ZNF175: variants seen among roughly 807,000 people sequenced by gnomAD.
ZNF175 encodes the protein zinc finger protein 175, also known as zinc finger protein OTK18.
ZNF175 carries 8 observed loss-of-function variants against 14.0 expected under a neutral mutation model. That is an observed-to-expected ratio of 0.57 (90% CI 0.34 to 1.03). The LOEUF (loss-of-function observed/expected upper bound fraction) is 1.03. Ranked by LOEUF, ZNF175 falls within the 50% of genes least tolerant of loss-of-function variation. The pLI is 0.03. For missense variants in ZNF175, 764 were observed against 849.5 expected (o/e 0.90, Z 1.25); for synonymous variants, 255 against 296.8 (o/e 0.86, Z 1.45).
At position 51,578,080 on chromosome 19, in the gene ZNF175, G is replaced by A. The variant is rs73562634; in HGVS notation, c.73-3311G>A. 7.0e-3 allele frequency among the ~76,000 whole-genome samples: 1,062 copies of A among 151,756 alleles called. 7 individuals carry two copies. The highest frequency in any genetic ancestry group is 0.024 in the African/African-American group (978 of 41,358). On this transcript the variant is annotated intron_variant, in intron 2 of 4. Coordinates refer to ENST00000262259, the MANE Select transcript of ZNF175 (RefSeq NM_007147.4). The stretch of plus-strand genomic sequence containing the variant: ...CTTTCTTCCAAAGTTAACTACTTTC[G>A]TCACTTTTAAGTTAATTACTTCATT...
chr19:51,575,054 TAAAG>T lies in ZNF175; in HGVS notation c.72+1655_72+1658del, dbSNP rs1337442627. On this transcript the variant is annotated intron_variant, in intron 2 of 4. Coordinates refer to ENST00000262259, the MANE Select transcript of ZNF175 (RefSeq NM_007147.4). ...TTTATCTTTTCTAATGTGATGGAAATAAAGATAGTATAGTGTTTTAATTTGCATT... is the reference window on the plus strand; with the variant it reads ...TTTATCTTTTCTAATGTGATGGAAATATAGTATAGTGTTTTAATTTGCATT... Among the ~76,000 whole-genome samples the T allele has an allele frequency of 5.3e-5, 8 of 152,254 alleles. No homozygotes were observed. The East Asian group carries it at 1.3e-3, about 26-fold the overall frequency.
At chr19:51,573,744 T>C in intron 2 of ZNF175, 1 of 390,074 alleles carries the variant, frequency 2.6e-6, no homozygotes, top group Non-Finnish European at 4.5e-6. Context: ...AAATTTCAAG[T>C]GGTCCCCCCC....
chr19:51,575,210 T>C (rs1337717347), intron 2 of ZNF175, among the ~76,000 whole-genome samples: 1 of 123,652 alleles, frequency 8.1e-6, no homozygotes, highest in African/African-American at 3.4e-5. Context: ...TTTAGAGAGG[T>C]TTTTTTTTTT....
chr19:51,583,074 C>T (rs561504467), intron 4 of ZNF175, among the ~76,000 whole-genome samples: 2 of 152,182 alleles, frequency 1.3e-5, no homozygotes, highest in African/African-American at 2.4e-5. Context: ...AGGCTGGTCT[C>T]GAACTCCCGA....
chr19:51,577,897 T>C (rs1247663427), intron 2 of ZNF175, among the ~76,000 whole-genome samples: 2 of 151,314 alleles, frequency 1.3e-5, no homozygotes, highest in African/African-American at 2.4e-5. Context: ...TCTCCTGACC[T>C]CGTGATCCGC....
Position 51,573,188 on chromosome 19 carries a change from G to C in ZNF175, c.-142G>C. 1.3e-6 allele frequency: 1 copy of C among 780,062 alleles called. No homozygotes were observed. The highest frequency in any genetic ancestry group is 2.2e-6 in the Non-Finnish European group (1 of 452,742). 48.3% of individuals were successfully genotyped at this position (780,062 alleles called of 1,614,324 possible). ...CCCCAGGTCAGGCCACATCATTGAG[G>C]CTGCAGGATCTCTCTTCATAGCCCA... On this transcript the variant is annotated 5_prime_UTR_variant, in exon 2 of 5. Coordinates refer to ENST00000262259, the MANE Select transcript of ZNF175 (RefSeq NM_007147.4).
rs114193131 is a variant in ZNF175, at chr19:51,574,679, A to G, written c.72+1278A>G. On this transcript the variant is annotated intron_variant, in intron 2 of 4. Transcript: ENST00000262259. Reference sequence around the variant, plus strand: ...GTGAGACCCTGTCTCAAAACAAAACAAGTTTAAAACATGAAATTGTCTAAG... The same window carrying G: ...GTGAGACCCTGTCTCAAAACAAAACGAGTTTAAAACATGAAATTGTCTAAG... 8.8e-3 allele frequency among the ~76,000 whole-genome samples: 1,340 copies of G among 152,328 alleles called. 21 individuals are homozygous for G. The highest frequency in any genetic ancestry group is 0.03 in the African/African-American group (1,262 of 41,582).
intron 4 of ZNF175, 129 bp from the exon 5 acceptor site, chr19:51,586,498 T>C: frequency 1.1e-6 from 1 of 890,888 alleles, no homozygotes; most frequent in East Asian, 2.6e-5. Context: ...TTTCTGCTCA[T>C]TGTCAGCATC....
intron 4 of ZNF175, among the ~76,000 whole-genome samples, chr19:51,584,990 A>C (rs1982120549): frequency 2.0e-5 from 3 of 152,230 alleles, no homozygotes; most frequent in African/African-American, 7.2e-5. Context: ...GTAGATACCC[A>C]CAAGAATTGA....
chr19:51,575,208 GGTTTT>G (rs1444949538), intron 2 of ZNF175, among the ~76,000 whole-genome samples: 1 of 99,202 alleles, frequency 1.0e-5, no homozygotes, highest in Non-Finnish European at 1.9e-5. Flanking sequence ...TTTTTAGAGA[GGTTTT>G]TTTTTTTTTT....
chr19:51,587,151 A>G lies in ZNF175; in HGVS notation c.820A>G (p.Thr274Ala). The G allele has an allele frequency of 6.2e-7, 1 of 1,614,192 alleles. No homozygotes were observed. Among genetic ancestry groups the G allele is most frequent in the Non-Finnish European group, 8.5e-7 (1 of 1,180,026 alleles). The change falls in exon 5 of 5, where the codon ACT becomes GCT. Residue 274 changes from threonine (T) to alanine (A), a missense_variant. Physicochemically the swap from Thr to Ala is moderately conservative, Grantham distance 58. Transcript: ENST00000262259. The part of the protein sequence containing the change: ...KQSLKQHQIH[T>A]QKKPDGCSEC... The stretch of plus-strand genomic sequence containing the variant: ...GTCACTCAAGCAACATCAAATTCAT[A>G]CTCAGAAGAAACCAGATGGATGTTC...
In ZNF175 at chr19:51,587,798, G is replaced by A; in HGVS notation, c.1467G>A (p.Gln489=). The A allele has an allele frequency of 6.2e-7, 1 of 1,614,088 alleles. No homozygotes were observed. The highest frequency in any genetic ancestry group is 8.5e-7 in the Non-Finnish European group (1 of 1,179,994). Residue 489 remains glutamine, a synonymous_variant, in exon 5 of 5, where the codon CAG becomes CAA. Transcript: ENST00000262259. The part of the protein sequence containing the change: ...NCGKSFISKS[Q]LDIHHRIHTG... The stretch of plus-strand genomic sequence containing the variant: ...GGAAATCCTTCATTTCCAAGTCACA[G>A]CTTGATATACATCATCGAATTCATA...
chr19:51,584,403 G>A (rs1044099778), intron 4 of ZNF175, among the ~76,000 whole-genome samples: 3 of 152,090 alleles, frequency 2.0e-5, no homozygotes, highest in Non-Finnish European at 2.9e-5. Flanking sequence ...TTTTGCAATC[G>A]ACATTGTTAG....
chr19:51,573,908 T>G (rs906716938), intron 2 of ZNF175: 1 of 160,462 alleles, frequency 6.2e-6, no homozygotes, highest in Non-Finnish European at 1.4e-5. Context: ...TTTTAAACAC[T>G]TTTTCCTGTT....
Position 51,578,121 on chromosome 19 carries a change from G to A in ZNF175, c.73-3270G>A, listed in dbSNP as rs1052963070. ...TTACTTCATTTTAAAAAACGAGGCC[G>A]GATGCAGTGGCTCACGCCTGTAATC... is the stretch of plus-strand genomic sequence containing the variant. On this transcript the variant is annotated intron_variant, in intron 2 of 4. Coordinates refer to ENST00000262259, the MANE Select transcript of ZNF175 (RefSeq NM_007147.4). Among the ~76,000 whole-genome samples, 24 of 151,992 alleles carry A rather than the reference G, an allele frequency of 1.6e-4. No individual in the cohort carries two copies. In the East Asian group the frequency reaches 2.5e-3, roughly 16 times the overall value.
chr19:51,586,592 A>T, intron 4 of ZNF175, 35 bp from the exon 5 acceptor site: 7 of 1,542,658 alleles, frequency 4.5e-6, no homozygotes, highest in African/African-American at 2.8e-5. Flanking sequence ...TTTCTTGTTC[A>T]TTGTGTCTAT....
At chr19:51,573,657 C>T (rs1467917117) in intron 2 of ZNF175, 1 of 473,182 alleles carries the variant, frequency 2.1e-6, no homozygotes, top group Non-Finnish European at 3.7e-6. Context: ...TCAGAAGCCC[C>T]AGTCATAGGA....
At position 51,587,812 on chromosome 19, in the gene ZNF175, A is replaced by G. The variant is rs1004148697; in HGVS notation, c.1481A>G (p.His494Arg). ...TCCAAGTCACAGCTTGATATACATC[A>G]TCGAATTCATACAGGGGAGAAACCT... Reference protein sequence around the residue: ...FISKSQLDIHHRIHTGEKPYE... With the variant: ...FISKSQLDIHRRIHTGEKPYE... The change falls in exon 5 of 5, where the codon CAT (histidine) becomes CGT (arginine). Residue 494 changes from histidine (H) to arginine (R), a missense_variant. Coordinates refer to ENST00000262259, the MANE Select transcript of ZNF175 (RefSeq NM_007147.4). 3.7e-6 allele frequency: 6 copies of G among 1,614,202 alleles called. No individual in the cohort carries two copies. The highest frequency in any genetic ancestry group is 1.7e-5 in the Admixed American group (1 of 60,028).
chr19:51,573,601 G>C (rs1339788779), intron 2 of ZNF175, 200 bp downstream of exon 2: 1 of 564,714 alleles, frequency 1.8e-6, no homozygotes, highest in African/African-American at 2.0e-5. Context: ...GATAGTAGAG[G>C]GTTGGCCTTG....
Sources: gnomAD v4.1 joint callset for allele counts (sites outside exome capture counted in the v4.1 genomes callset) on GRCh38, gnomAD v4.1.1 for gene constraint, MANE v1.5 for transcripts, NCBI Gene and HGNC (gene_info 2026-07-23, HGNC 2026-07-21) for gene names.